Variants in C7orf57 observed in about 807,000 individuals in gnomAD.
The protein encoded by C7orf57 is chromosome 7 open reading frame 57, also known as uncharacterized protein C7orf57.
In C7orf57, 33 loss-of-function variants were observed where a neutral mutation model predicts 39.0. The observed-to-expected ratio is 0.85, with a 90% CI of 0.64 to 1.13. The LOEUF (loss-of-function observed/expected upper bound fraction) is 1.13. C7orf57 is among the 50% of genes most tolerant of loss of function. The probability of loss-of-function intolerance (pLI) is 0.00; values close to 1 mark genes in which losing one functional copy is unlikely to be tolerated. For missense variants in C7orf57, 346 were observed against 362.3 expected (o/e 0.95, Z 0.37); for synonymous variants, 124 against 137.1 (o/e 0.90, Z 0.67).
chr7:48,043,587 A>G lies in C7orf57; in HGVS notation c.348A>G (p.Gln116=). The stretch of plus-strand genomic sequence containing the variant: ...GCAAGCCACCGACAGCCAGCCAGCA[A>G]GAGTAAGTACCTTAAAGCACTCACA... ...HHSKPPTASQ[Q]EVRAVSMPDY... is the part of the protein sequence containing the mutation. The change falls in exon 4 of 9, where the codon CAA becomes CAG. Residue 116 remains glutamine, a splice_region_variant and synonymous_variant. Transcript: ENST00000348904. The G allele has an allele frequency of 6.2e-7, 1 of 1,612,972 alleles. No individual in the cohort carries two copies. The highest frequency in any genetic ancestry group is 8.5e-7 in the Non-Finnish European group (1 of 1,178,964).
At chr7:48,043,161 G>T (rs964578568) in intron 3 of C7orf57, among the ~76,000 whole-genome samples, 1 of 152,140 alleles carries the variant, frequency 6.6e-6, no homozygotes, top group African/African-American at 2.4e-5. Flanking sequence ...AGCAGTGGAG[G>T]GATGGGCCCC....
In C7orf57 at chr7:48,052,932, C is replaced by T. The variant is rs1025762404; in HGVS notation, c.829+9C>T. ...TCCTGAGGACACCCCAGGTGAGGCA[C>T]AAGCAGCCATCTGCATTTATTGGAG... is the stretch of plus-strand genomic sequence containing the variant. On this transcript the variant is annotated intron_variant, in intron 7 of 8. Transcript: ENST00000348904. The T allele has an allele frequency of 3.1e-6, 5 of 1,602,190 alleles. No homozygotes were observed. The highest frequency in any genetic ancestry group is 1.3e-5 in the African/African-American group (1 of 74,672).
rs1282387710 is a variant in C7orf57, at chr7:48,054,607, G to A, written c.841+1G>A. On this transcript the variant is annotated splice_donor_variant, in intron 8 of 8. Coordinates refer to ENST00000348904, the MANE Select transcript of C7orf57 (RefSeq NM_001100159.3). LOFTEE classifies it high-confidence loss of function. Reference sequence around the variant, plus strand: ...CTTTTTATTACAGAGTCTTCTCAAAGTGAGTACTTATAAAGTAACCAGCAC... The same window carrying A: ...CTTTTTATTACAGAGTCTTCTCAAAATGAGTACTTATAAAGTAACCAGCAC... 2.6e-6 allele frequency: 4 copies of A among 1,549,224 alleles called. No individual in the cohort carries two copies. Among genetic ancestry groups the A allele is most frequent in the Non-Finnish European group, 2.6e-6 (3 of 1,144,988 alleles).
chr7:48,051,772 T>TTTCTTTCTG (rs1288546981), intron 6 of C7orf57, among the ~76,000 whole-genome samples: 1 of 102,552 alleles, frequency 9.8e-6, no homozygotes, highest in African/African-American at 3.4e-5. Flanking sequence ...CTTTCTTTCT[T>TTTCTTTCTG]TCTTTCTTTC....
chr7:48,051,878 T>TTCCTTC, intron 6 of C7orf57, among the ~76,000 whole-genome samples: 1 of 72,150 alleles, frequency 1.4e-5, no homozygotes, highest in Non-Finnish European at 3.3e-5. Flanking sequence ...TTTCTCTTTC[T>TTCCTTC]CTTTCTTTCT....
At chr7:48,053,825 C>T (rs1791032553) in intron 7 of C7orf57, among the ~76,000 whole-genome samples, 1 of 152,166 alleles carries the variant, frequency 6.6e-6, no homozygotes, top group African/African-American at 2.4e-5. Context: ...AGCCTATTGA[C>T]ATTGTGTTCA....
intron 1 of C7orf57, 127 bp from the exon 2 acceptor site, chr7:48,036,081 G>A: frequency 3.3e-6 from 2 of 608,062 alleles, no homozygotes. Context: ...ACCTGGCGTG[G>A]ACATGCCCCC....
intron 2 of C7orf57, among the ~76,000 whole-genome samples, chr7:48,039,371 G>A (rs370007737): frequency 8.5e-5 from 13 of 152,212 alleles, no homozygotes; most frequent in African/African-American, 2.9e-4. Context: ...GGTCTGCTGT[G>A]CCTGAATTCC....
At chr7:48,052,642 T>C in intron 6 of C7orf57, 58 bp from the exon 7 acceptor site, 1 of 1,452,998 alleles carries the variant, frequency 6.9e-7, no homozygotes, top group Non-Finnish European at 9.6e-7. Flanking sequence ...GGAATACTGC[T>C]TCTGCTTTAT....
At chr7:48,040,544 C>T (rs1451893504) in intron 2 of C7orf57, among the ~76,000 whole-genome samples, 1 of 152,154 alleles carries the variant, frequency 6.6e-6, no homozygotes, top group African/African-American at 2.4e-5. Flanking sequence ...TCTTTGGCCT[C>T]AGGCATGAGC....
intron 3 of C7orf57, among the ~76,000 whole-genome samples, chr7:48,042,430 T>C (rs1790576312): frequency 6.6e-6 from 1 of 152,198 alleles, no homozygotes; most frequent in Non-Finnish European, 1.5e-5. Context: ...GTCAGGAATG[T>C]CTTTTGGCAG....
intron 2 of C7orf57, among the ~76,000 whole-genome samples, chr7:48,036,564 G>C (rs1018242601): frequency 3.3e-5 from 5 of 152,200 alleles, no homozygotes; most frequent in African/African-American, 4.8e-5. Flanking sequence ...TTAAATATGA[G>C]TGGGGGGAGT....
Position 48,036,349 on chromosome 7 carries a change from G to T in C7orf57, c.41G>T (p.Arg14Leu), listed in dbSNP as rs1047639225. ...TSKELQGATH[R>L]YAPCDWYYHV... Reference sequence around the variant, plus strand: ...AAGGAACTTCAGGGCGCCACGCACCGCTACGCTCCCTGCGGTGAGTGCGCC... The same window carrying T: ...AAGGAACTTCAGGGCGCCACGCACCTCTACGCTCCCTGCGGTGAGTGCGCC... The change falls in exon 2 of 9, where the codon CGC becomes CTC. Residue 14 changes from arginine (R) to leucine (L), a missense_variant. By Grantham distance (102) the Arg-to-Leu change is moderately radical (BLOSUM62 -2). Transcript: ENST00000348904. The T allele has an allele frequency of 1.9e-6, 3 of 1,589,270 alleles. No homozygotes were observed. The highest frequency in any genetic ancestry group is 2.6e-6 in the Non-Finnish European group (3 of 1,168,342).
chr7:48,037,038 G>A (rs886969522), intron 2 of C7orf57, among the ~76,000 whole-genome samples: 1 of 152,042 alleles, frequency 6.6e-6, no homozygotes, highest in Non-Finnish European at 1.5e-5. Context: ...GCAGCTGGTC[G>A]GCACCCTGGA....
intron 2 of C7orf57, among the ~76,000 whole-genome samples, chr7:48,037,446 C>A (rs1180347358): frequency 1.3e-5 from 2 of 152,214 alleles, no homozygotes; most frequent in Non-Finnish European, 2.9e-5. Context: ...CACAGCTGTT[C>A]TGTGAGGCCA....
chr7:48,053,059 T>A, intron 7 of C7orf57, 136 bp downstream of exon 7: 1 of 735,434 alleles, frequency 1.4e-6, no homozygotes, highest in Non-Finnish European at 2.4e-6. Flanking sequence ...CCCACAGAAG[T>A]ACTAAGGTTA....
chr7:48,037,253 T>TAG (rs373256410), intron 2 of C7orf57, among the ~76,000 whole-genome samples: 1 of 152,338 alleles, frequency 6.6e-6, no homozygotes, highest in African/African-American at 2.4e-5. Flanking sequence ...GGGTGCCTTC[T>TAG]AGTGACCTTG....
In C7orf57 at chr7:48,051,347, A is replaced by ATTTTTTTTTT. The variant is rs71006546; in HGVS notation, c.606-1342_606-1333dup. On this transcript the variant is annotated intron_variant, in intron 6 of 8. Coordinates refer to ENST00000348904, the MANE Select transcript of C7orf57 (RefSeq NM_001100159.3). The stretch of plus-strand genomic sequence containing the variant: ...AGGTGCCTGCCACCACAGCTGGCTA[A>ATTTTTTTTTT]TTTTTTTTTTTTTTTTTTTTGGAGA... Among the ~76,000 whole-genome samples the ATTTTTTTTTT allele has an allele frequency of 1.9e-3, 133 of 69,764 alleles. 10 individuals carry two copies. The highest frequency in any genetic ancestry group is 7.4e-3 in the African/African-American group (123 of 16,548). The allele number at this position is 69,764 out of a possible 152,430, so 45.8% of individuals were successfully genotyped here.
rs189439693 is a variant in C7orf57 at position 48,046,485 on chromosome 7, T to A, written c.376T>A (p.Tyr126Asn). ...AGTGCGGGCTGTCTCCATGCCGGAT[T>A]ACATGGTTCATGAAGAATTTAACCC... Reference protein sequence around the residue: ...QEVRAVSMPDYMVHEEFNPDQ... With the variant: ...QEVRAVSMPDNMVHEEFNPDQ... Residue 126 changes from tyrosine to asparagine, a missense_variant, in exon 5 of 9, where the codon TAC (tyrosine) becomes AAC (asparagine). Coordinates refer to ENST00000348904, the MANE Select transcript of C7orf57 (RefSeq NM_001100159.3). The A allele has an allele frequency of 1.4e-4, 219 of 1,613,704 alleles. 1 individual carries two copies. The African/African-American group carries it at 2.7e-3, about 20-fold the overall frequency.
Sources: gnomAD v4.1 joint callset for allele counts (sites outside exome capture counted in the v4.1 genomes callset) on GRCh38, gnomAD v4.1.1 for gene constraint, MANE v1.5 for transcripts, NCBI Gene and HGNC (gene_info 2026-07-23, HGNC 2026-07-21) for gene names.